Variants in ZNF354A observed in about 807,000 individuals in gnomAD.
ZNF354A encodes zinc finger protein 354A.
In ZNF354A, 25 loss-of-function variants were observed where a neutral mutation model predicts 53.3. The ratio of observed to expected loss-of-function variants is 0.47; its 90% CI spans 0.34 to 0.66. The LOEUF (loss-of-function observed/expected upper bound fraction) is 0.66. Ranked by LOEUF, ZNF354A falls within the 30% of genes least tolerant of loss-of-function variation. The probability of loss-of-function intolerance (pLI) is 0.01; values close to 1 mark genes in which losing one functional copy is unlikely to be tolerated. For missense variants in ZNF354A, 586 were observed against 716.8 expected (o/e 0.82, Z 2.08); for synonymous variants, 228 against 249.0 (o/e 0.92, Z 0.79).
rs1243714891 is a variant in ZNF354A at position 178,728,067 on chromosome 5, C to G, written c.33+923G>C. Among the ~76,000 whole-genome samples the G allele has an allele frequency of 3.3e-5, 5 of 152,134 alleles. No homozygotes were observed. In the East Asian group the frequency reaches 9.7e-4, roughly 29 times the overall value. ...GGTTCCACCATGCTGGTCTCAAACT[C>G]CTAACCTCAGGCGATCTGCCGGCCT... On this transcript the variant is annotated intron_variant, in intron 2 of 4. Transcript: ENST00000335815.
intron 2 of ZNF354A, among the ~76,000 whole-genome samples, chr5:178,727,680 C>G (rs1224382707): frequency 6.6e-6 from 1 of 152,150 alleles, no homozygotes; most frequent in Non-Finnish European, 1.5e-5. Context: ...GATCTTAGAG[C>G]TTTATGTTAA....
At chr5:178,722,008 G>A (rs899760131) in intron 4 of ZNF354A, among the ~76,000 whole-genome samples, 5 of 151,934 alleles carry the variant, frequency 3.3e-5, no homozygotes, top group Admixed American at 6.6e-5. Context: ...CCTCACATTC[G>A]TCTACTTTTC....
At chr5:178,730,312 G>A (rs1013352695) in intron 1 of ZNF354A, among the ~76,000 whole-genome samples, 3 of 152,012 alleles carry the variant, frequency 2.0e-5, no homozygotes, top group Non-Finnish European at 4.4e-5. Flanking sequence ...CACATGGAGT[G>A]GGCAGGACGG....
At chr5:178,719,640 G>A (rs1765772438) in intron 4 of ZNF354A, among the ~76,000 whole-genome samples, 1 of 152,164 alleles carries the variant, frequency 6.6e-6, no homozygotes, top group Admixed American at 6.5e-5. Context: ...CAGAGTAAAA[G>A]CTCCACCTAT....
At position 178,713,202 on chromosome 5, in the gene ZNF354A, T is replaced by C; in HGVS notation, c.676A>G (p.Thr226Ala). 1 of 1,614,192 alleles carries C rather than the reference T, an allele frequency of 6.2e-7. No individual in the cohort carries two copies. Among genetic ancestry groups the C allele is most frequent in the Non-Finnish European group, 8.5e-7 (1 of 1,180,024 alleles). ...CSLCEKTFIN[T>A]SSLRKHEKNH... ...TTCTCATGTTTACGAAGGGATGAAG[T>C]GTTAATGAAGGTTTTTTCACACAGA... is the stretch of plus-strand genomic sequence containing the variant. Residue 226 changes from threonine to alanine, a missense_variant, in exon 5 of 5, where the codon ACT becomes GCT. This residue lies in a region of ZNF354A where 573 missense variants were observed against 680.1 expected (regional missense o/e 0.84). Transcript: ENST00000335815.
Position 178,713,337 on chromosome 5 carries a change from G to C in ZNF354A, c.541C>G (p.Pro181Ala), listed in dbSNP as rs753305594. 1 of 1,614,138 alleles carries C rather than the reference G, an allele frequency of 6.2e-7. No individual in the cohort carries two copies. Among genetic ancestry groups the C allele is most frequent in the Non-Finnish European group, 8.5e-7 (1 of 1,180,022 alleles). Residue 181 changes from proline to alanine, a missense_variant, in exon 5 of 5, where the codon CCC (proline) becomes GCC (alanine). By Grantham distance (27) the Pro-to-Ala change is conservative (BLOSUM62 -1). This residue lies in a region of ZNF354A where 573 missense variants were observed against 680.1 expected (regional missense o/e 0.84). Coordinates refer to ENST00000335815, the MANE Select transcript of ZNF354A (RefSeq NM_005649.3). The stretch of plus-strand genomic sequence containing the variant: ...CATTTTGGTGGTGTTTTTTCTCTGG[G>C]AAGTATCTGTTGCCTAATAAGCACT... ...KSVLIRQQIL[P>A]REKTPPKCEI...
intron 4 of ZNF354A, among the ~76,000 whole-genome samples, chr5:178,719,462 G>C (rs942861436): frequency 6.6e-6 from 1 of 152,226 alleles, no homozygotes; most frequent in African/African-American, 2.4e-5. Flanking sequence ...GACGCTGCTG[G>C]AGTGTTTCGT....
intron 2 of ZNF354A, among the ~76,000 whole-genome samples, chr5:178,728,464 A>ACAC (rs1561622680): frequency 6.6e-6 from 1 of 151,234 alleles, no homozygotes; most frequent in Non-Finnish European, 1.5e-5. Context: ...TGCATACACA[A>ACAC]ACACACACAC....
chr5:178,724,293 C>T (rs1355354420), intron 4 of ZNF354A, among the ~76,000 whole-genome samples: 3 of 151,518 alleles, frequency 2.0e-5, no homozygotes, highest in Non-Finnish European at 1.5e-5. Flanking sequence ...GGCGCAATCT[C>T]GGCTCACTGC....
chr5:178,716,213 T>C (rs1164845551), intron 4 of ZNF354A, among the ~76,000 whole-genome samples: 1 of 152,186 alleles, frequency 6.6e-6, no homozygotes, highest in African/African-American at 2.4e-5. Context: ...CTAAGATCAA[T>C]ATTTTACTAT....
intron 4 of ZNF354A, among the ~76,000 whole-genome samples, chr5:178,714,316 A>G (rs1156923624): frequency 6.6e-6 from 1 of 152,004 alleles, no homozygotes; most frequent in Non-Finnish European, 1.5e-5. Flanking sequence ...TTATATAATT[A>G]TTCTTAATCT....
intron 4 of ZNF354A, among the ~76,000 whole-genome samples, chr5:178,717,221 T>C (rs1220948221): frequency 6.6e-6 from 1 of 151,542 alleles, no homozygotes; most frequent in African/African-American, 2.4e-5. Flanking sequence ...ATGTGTTCAT[T>C]TGAGTTGGCT....
At chr5:178,719,699 G>C (rs547096506) in intron 4 of ZNF354A, among the ~76,000 whole-genome samples, 11 of 152,184 alleles carry the variant, frequency 7.2e-5, no homozygotes, top group Non-Finnish European at 1.0e-4. Flanking sequence ...TGTAATCCCA[G>C]CACTTTGGGA....
At chr5:178,716,687 A>T (rs1765720761) in intron 4 of ZNF354A, among the ~76,000 whole-genome samples, 1 of 152,212 alleles carries the variant, frequency 6.6e-6, no homozygotes, top group Admixed American at 6.5e-5. Flanking sequence ...TCCCTGGGCA[A>T]AGGAACCAAC....
chr5:178,727,140 C>T lies in ZNF354A; in HGVS notation c.34-15G>A, dbSNP rs750747039. 4.4e-6 allele frequency: 7 copies of T among 1,608,118 alleles called. No homozygotes were observed. The Admixed American group carries it at 5.1e-5, about 12-fold the overall frequency. ...GTCAGTGACACCTGTAAGGACAAGTCGTTCCAGCTCACCCAGGACCACCCT... is the reference window on the plus strand; with the variant it reads ...GTCAGTGACACCTGTAAGGACAAGTTGTTCCAGCTCACCCAGGACCACCCT... On this transcript the variant is annotated splice_polypyrimidine_tract_variant and intron_variant, in intron 2 of 4. Transcript: ENST00000335815.
intron 4 of ZNF354A, among the ~76,000 whole-genome samples, chr5:178,716,670 CA>C (rs1303326290): frequency 1.3e-5 from 2 of 152,104 alleles, no homozygotes; most frequent in Non-Finnish European, 2.9e-5. Flanking sequence ...AGAAAGTGCT[CA>C]AGAGCTCCCT....
intron 4 of ZNF354A, among the ~76,000 whole-genome samples, chr5:178,715,900 G>GT (rs11287612): frequency 7.0e-6 from 1 of 143,848 alleles, no homozygotes; most frequent in African/African-American, 2.6e-5. Flanking sequence ...AATCTCTGTG[G>GT]TTTTTTTTTT....
Position 178,711,979 on chromosome 5 carries a change from A to G in ZNF354A, c.*81T>C. 6.8e-7 allele frequency: 1 copy of G among 1,479,188 alleles called. No homozygotes were observed. The highest frequency in any genetic ancestry group is 9.0e-7 in the Non-Finnish European group (1 of 1,108,540). 91.6% of individuals were successfully genotyped at this position (1,479,188 alleles called of 1,614,324 possible). A position where few individuals can be genotyped will look rare whatever the true frequency, so the allele number is the denominator to read the frequency against. On this transcript the variant is annotated 3_prime_UTR_variant, in exon 5 of 5. Coordinates refer to ENST00000335815, the MANE Select transcript of ZNF354A (RefSeq NM_005649.3). ...AATTATTACAGTTTTTTTCACATCC[A>G]TTACATTTATTACATCTCTCTCAAG...
At chr5:178,724,909 T>G (rs1302104785) in intron 4 of ZNF354A, among the ~76,000 whole-genome samples, 1 of 152,158 alleles carries the variant, frequency 6.6e-6, no homozygotes, top group African/African-American at 2.4e-5. Context: ...TGTTTCTGAT[T>G]CACACCAACT....
Sources: gnomAD v4.1 joint callset for allele counts (sites outside exome capture counted in the v4.1 genomes callset) on GRCh38, gnomAD v4.1.1 for gene constraint, gnomAD v4.1.1 regional missense constraint, MANE v1.5 for transcripts, NCBI Gene and HGNC (gene_info 2026-07-23, HGNC 2026-07-21) for gene names.